The following CNTN4 variants were observed in gnomAD, a reference collection of about 807,000 sequenced individuals.
CNTN4 encodes contactin-4.
In CNTN4, 77 loss-of-function variants were observed where a neutral mutation model predicts 122.5. The ratio of observed to expected loss-of-function variants is 0.63; its 90% CI spans 0.52 to 0.76. The LOEUF is 0.76. Ranked by LOEUF, CNTN4 falls within the 30% of genes least tolerant of loss-of-function variation. The pLI is 0.00. For missense variants in CNTN4, 1,256 were observed against 1,259.1 expected (o/e 1.00, Z 0.04); for synonymous variants, 512 against 447.0 (o/e 1.15, Z -1.83).
intron 7 of CNTN4, among the ~76,000 whole-genome samples, chr3:2,822,867 C>G (rs2092906947): frequency 6.6e-6 from 1 of 152,128 alleles, no homozygotes; most frequent in African/African-American, 2.4e-5. Flanking sequence ...GCTGACATTC[C>G]TGACAATCTT....
chr3:2,826,382 C>T (rs1236564950), intron 7 of CNTN4, among the ~76,000 whole-genome samples: 5 of 152,146 alleles, frequency 3.3e-5, no homozygotes, highest in Non-Finnish European at 4.4e-5. Flanking sequence ...CTCCAGGGTT[C>T]CATAAATGTA....
At chr3:2,264,974 C>T (rs1228994064) in intron 2 of CNTN4, among the ~76,000 whole-genome samples, 1 of 151,986 alleles carries the variant, frequency 6.6e-6, no homozygotes, top group Non-Finnish European at 1.5e-5. Flanking sequence ...AGGCAGTGTA[C>T]AATATGTCCA....
At chr3:2,275,149 A>C (rs1464934055) in intron 2 of CNTN4, among the ~76,000 whole-genome samples, 2 of 152,232 alleles carry the variant, frequency 1.3e-5, no homozygotes, top group Non-Finnish European at 2.9e-5. Context: ...AGAGTCTGTC[A>C]CTATAATGTT....
intron 13 of CNTN4, 28 bp from the exon 14 acceptor site, chr3:2,988,317 A>G (rs1694762553): frequency 6.2e-7 from 1 of 1,611,696 alleles, no homozygotes; most frequent in Non-Finnish European, 8.5e-7. Flanking sequence ...AAATTTCACC[A>G]TTTTTGGTTC....
At chr3:2,238,493 A>T (rs2039769602) in intron 2 of CNTN4, among the ~76,000 whole-genome samples, 2 of 151,932 alleles carry the variant, frequency 1.3e-5, no homozygotes, top group Admixed American at 1.3e-4. Context: ...TTTTCAAAAT[A>T]AAAAAATCTT....
At chr3:2,782,431 A>G (rs971164467) in intron 6 of CNTN4, among the ~76,000 whole-genome samples, 2 of 150,788 alleles carry the variant, frequency 1.3e-5, no homozygotes, top group Non-Finnish European at 2.9e-5. Flanking sequence ...TGAAAATGTA[A>G]TACATACCCA....
Position 2,120,351 on chromosome 3 carries a change from T to TTATA in CNTN4, c.-145+19731_-145+19734dup, listed in dbSNP as rs1222126807. On this transcript the variant is annotated intron_variant, in intron 2 of 24. Transcript: ENST00000418658. ...TAAACTATAACATGAGGCATTTAGG[T>TTATA]TATATATATATATATATATATAAAT... is the stretch of plus-strand genomic sequence containing the variant. Among the ~76,000 whole-genome samples the TTATA allele has an allele frequency of 1.2e-3, 56 of 45,938 alleles. 1 individual carries two copies. Among genetic ancestry groups the TTATA allele is most frequent in the South Asian group, 2.2e-3 (4 of 1,782 alleles). The allele number at this position is 45,938 out of a possible 152,430, so 30.1% of individuals were successfully genotyped here. A position where few individuals can be genotyped will look rare whatever the true frequency, so the allele number is the denominator to read the frequency against.
chr3:2,185,182 C>T (rs1298200523), intron 2 of CNTN4, among the ~76,000 whole-genome samples: 1 of 152,086 alleles, frequency 6.6e-6, no homozygotes, highest in Non-Finnish European at 1.5e-5. Flanking sequence ...TGTTTTCTCT[C>T]TTGGGATGTA....
At chr3:2,902,276 C>T (rs768544321) in intron 11 of CNTN4, among the ~76,000 whole-genome samples, 17 of 152,162 alleles carry the variant, frequency 1.1e-4, no homozygotes, top group African/African-American at 3.1e-4. Context: ...TCCTGTGCCA[C>T]GTACTAACTT....
intron 7 of CNTN4, among the ~76,000 whole-genome samples, chr3:2,856,839 T>C (rs1429763867): frequency 1.3e-5 from 2 of 152,200 alleles, no homozygotes; most frequent in Non-Finnish European, 2.9e-5. Flanking sequence ...GATTTGAATG[T>C]GAGCTGGATG....
chr3:2,377,694 AC>A (rs1391745766), intron 3 of CNTN4, among the ~76,000 whole-genome samples: 2 of 152,242 alleles, frequency 1.3e-5, no homozygotes, highest in Non-Finnish European at 2.9e-5. Flanking sequence ...TGACCTGTGG[AC>A]CGCATGTGGC....
At chr3:2,840,612 T>A (rs1187275276) in intron 7 of CNTN4, among the ~76,000 whole-genome samples, 2 of 119,910 alleles carry the variant, frequency 1.7e-5, no homozygotes, top group Non-Finnish European at 3.6e-5. Flanking sequence ...GGCGGGAGAA[T>A]GGCGGGAACC....
At chr3:2,607,436 A>C (rs182228471) in intron 4 of CNTN4, among the ~76,000 whole-genome samples, 1 of 152,328 alleles carries the variant, frequency 6.6e-6, no homozygotes, top group East Asian at 1.9e-4. Context: ...TTATTCATAT[A>C]ATGGAATATT....
At chr3:2,886,145 C>T (rs548559901) in intron 9 of CNTN4, among the ~76,000 whole-genome samples, 1 of 152,278 alleles carries the variant, frequency 6.6e-6, no homozygotes, top group South Asian at 2.1e-4. Context: ...TTGCAGCTAT[C>T]TTTAATTTGC....
intron 14 of CNTN4, among the ~76,000 whole-genome samples, chr3:3,007,421 T>G (rs1696768007): frequency 6.6e-6 from 1 of 152,256 alleles, no homozygotes; most frequent in Non-Finnish European, 1.5e-5. Context: ...TGGATTATTC[T>G]GTGCTTGGAA....
intron 2 of CNTN4, among the ~76,000 whole-genome samples, chr3:2,332,700 A>G (rs995407137): frequency 2.3e-5 from 3 of 128,980 alleles, no homozygotes; most frequent in Admixed American, 1.8e-4. Context: ...GAAGGGTAAC[A>G]TCACACTCTG....
intron 2 of CNTN4, among the ~76,000 whole-genome samples, chr3:2,153,903 G>A (rs1206097825): frequency 6.6e-6 from 1 of 152,030 alleles, no homozygotes; most frequent in Admixed American, 6.6e-5. Context: ...TTAGCTTAAG[G>A]AACTTAAAAA....
At chr3:2,898,469 C>T (rs1176941922) in intron 10 of CNTN4, among the ~76,000 whole-genome samples, 1 of 152,186 alleles carries the variant, frequency 6.6e-6, no homozygotes, top group East Asian at 1.9e-4. Context: ...AATGAGCCCT[C>T]AGAAGTGCTT....
intron 4 of CNTN4, among the ~76,000 whole-genome samples, chr3:2,725,380 T>C (rs984514990): frequency 3.6e-4 from 55 of 152,280 alleles, no homozygotes; most frequent in African/African-American, 1.3e-3. Flanking sequence ...CGGAATCCTA[T>C]AGTCCTCATT....
Sources: allele counts gnomAD v4.1 joint callset (sites outside exome capture counted in the v4.1 genomes callset), GRCh38; gene constraint gnomAD v4.1.1; transcripts MANE v1.5; gene names NCBI Gene and HGNC (gene_info 2026-07-23, HGNC 2026-07-21).